USP31: variants seen among roughly 807,000 people sequenced by gnomAD.
USP31 encodes ubiquitin specific peptidase 31.
Under a neutral mutation model 119.4 loss-of-function variants are expected in USP31, and 44 were observed. The observed-to-expected ratio is 0.37, with a 90% CI of 0.29 to 0.47. The LOEUF is 0.47. Ranked by LOEUF, USP31 falls within the 20% of genes least tolerant of loss-of-function variation. USP31 has a pLI of 0.99. For synonymous variants in USP31, 749 were observed against 705.6 expected (o/e 1.06, Z -0.97); for missense variants, 1,643 against 1,730.2 (o/e 0.95, Z 0.89).
At chr16:23,090,924 T>C (rs895634373) in intron 6 of USP31, 120 bp from the exon 7 acceptor site, 1 of 920,252 alleles carries the variant, frequency 1.1e-6, no homozygotes, top group Non-Finnish European at 1.5e-6. Flanking sequence ...TAAATTAAAC[T>C]GCAATCAAAA....
chr16:23,105,368 G>A (rs940172331), intron 5 of USP31, 73 bp downstream of exon 5: 3 of 1,436,832 alleles, frequency 2.1e-6, no homozygotes, highest in Non-Finnish European at 1.8e-6. Flanking sequence ...GCAAAGAACT[G>A]TAAAAAATTC....
intron 1 of USP31, among the ~76,000 whole-genome samples, chr16:23,133,567 T>C (rs867345602): frequency 6.6e-6 from 1 of 152,204 alleles, no homozygotes; most frequent in Admixed American, 6.5e-5. Context: ...GAAGAATGTA[T>C]GAAAAAATCC....
At chr16:23,102,264 A>T in intron 6 of USP31, 55 bp downstream of exon 6, 1 of 1,555,636 alleles carries the variant, frequency 6.4e-7, no homozygotes, top group Non-Finnish European at 8.7e-7. Flanking sequence ...AAAAAGGTAG[A>T]CTATAGTTAA....
At chr16:23,107,183 G>T (rs1356724292) in intron 2 of USP31, among the ~76,000 whole-genome samples, 1 of 151,452 alleles carries the variant, frequency 6.6e-6, no homozygotes, top group East Asian at 1.9e-4. Flanking sequence ...TGCTCTGTAT[G>T]TTGGTGCCTA....
In USP31 at chr16:23,102,306, G is replaced by T; in HGVS notation, c.1234+13C>A. ...AAACCCAGGTGGCATTATGGAAACA[G>T]GAGCTCCCTTACCTCTTTGACTGAG... On this transcript the variant is annotated intron_variant, in intron 6 of 15. Coordinates refer to ENST00000219689, the MANE Select transcript of USP31 (RefSeq NM_020718.4). The T allele has an allele frequency of 6.2e-7, 1 of 1,608,454 alleles. No individual in the cohort carries two copies. Among genetic ancestry groups the T allele is most frequent in the Non-Finnish European group, 8.5e-7 (1 of 1,178,142 alleles).
Position 23,116,446 on chromosome 16 carries a change from G to A in USP31, c.634-8263C>T, listed in dbSNP as rs556367604. 1.2e-3 allele frequency among the ~76,000 whole-genome samples: 186 copies of A among 152,192 alleles called. 1 individual carries two copies. Among genetic ancestry groups the A allele is most frequent in the African/African-American group, 4.3e-3 (178 of 41,508 alleles). Reference sequence around the variant, plus strand: ...AAGAATAATTAGCTAAAACATAAGGGATAAAATTTGTACAAATAGATGAAC... The same window carrying A: ...AAGAATAATTAGCTAAAACATAAGGAATAAAATTTGTACAAATAGATGAAC... On this transcript the variant is annotated intron_variant, in intron 1 of 15. Transcript: ENST00000219689.
chr16:23,064,005 T>TA lies in USP31; in HGVS notation c.*4040dup, dbSNP rs1384058968. 1 of 152,660 alleles carries TA rather than the reference T, an allele frequency of 6.6e-6. No individual in the cohort carries two copies. Among genetic ancestry groups the TA allele is most frequent in the Non-Finnish European group, 1.5e-5 (1 of 68,046 alleles). 9.5% of individuals were successfully genotyped at this position (152,660 alleles called of 1,614,324 possible). On this transcript the variant is annotated 3_prime_UTR_variant, in exon 16 of 16. Coordinates refer to ENST00000219689, the MANE Select transcript of USP31 (RefSeq NM_020718.4). ...AATGTACCCTTTATGAAATGAAAGT[T>TA]AAAGACAGCCTGCACAGTAACAGCT... is the stretch of plus-strand genomic sequence containing the variant.
intron 5 of USP31, among the ~76,000 whole-genome samples, chr16:23,104,911 G>A (rs73538670): frequency 0.034 from 5,112 of 152,276 alleles, 232 homozygotes; most frequent in African/African-American, 0.096. Context: ...AAAGGGATGC[G>A]GCATGGGCAC....
chr16:23,079,697 G>C, intron 13 of USP31: 1 of 370,140 alleles, frequency 2.7e-6, no homozygotes, highest in Non-Finnish European at 4.8e-6. Flanking sequence ...CAGTTGACCA[G>C]ACAATGCCAT....
chr16:23,148,494 A>G (rs1903596374), intron 1 of USP31, 144 bp downstream of exon 1: 7 of 1,174,138 alleles, frequency 6.0e-6, no homozygotes, highest in Non-Finnish European at 6.6e-6. Context: ...TCTCCTTAAA[A>G]TCACTGGTCG....
rs140424855 is a variant in USP31, at chr16:23,105,666, A to G, written c.954-90T>C. The G allele has an allele frequency of 1.1e-4, 143 of 1,350,920 alleles. 2 individuals are homozygous for G. The highest frequency in any genetic ancestry group is 8.3e-4 in the Middle Eastern group (3 of 3,606). The allele number at this position is 1,350,920 out of a possible 1,614,324, so 83.7% of individuals were successfully genotyped here. A position where few individuals can be genotyped will look rare whatever the true frequency, so the allele number is the denominator to read the frequency against. On this transcript the variant is annotated intron_variant, in intron 4 of 15. Coordinates refer to ENST00000219689, the MANE Select transcript of USP31 (RefSeq NM_020718.4). The stretch of plus-strand genomic sequence containing the variant: ...AAATAAACCTGAGACGAAATCAACA[A>G]AAAACTAAAGCTAACCCACACTGTT...
intron 10 of USP31, 80 bp from the exon 11 acceptor site, chr16:23,085,069 G>A: frequency 1.3e-6 from 2 of 1,529,932 alleles, no homozygotes; most frequent in Non-Finnish European, 1.8e-6. Context: ...TTCATGAAGT[G>A]ACTACAAACT....
chr16:23,139,456 C>T (rs767829584), intron 1 of USP31, among the ~76,000 whole-genome samples: 16 of 152,224 alleles, frequency 1.1e-4, no homozygotes, highest in Non-Finnish European at 1.9e-4. Flanking sequence ...TGCAGCTCTA[C>T]GCTGTATTCA....
intron 11 of USP31, among the ~76,000 whole-genome samples, chr16:23,084,555 G>C (rs950426527): frequency 4.6e-5 from 7 of 151,956 alleles, no homozygotes; most frequent in Admixed American, 1.3e-4. Context: ...AAGTTACTAA[G>C]GAAAAGATCT....
intron 11 of USP31, among the ~76,000 whole-genome samples, chr16:23,084,121 ATTT>A (rs1361764693): frequency 6.6e-6 from 1 of 152,260 alleles, no homozygotes; most frequent in African/African-American, 2.4e-5. Flanking sequence ...GCATGACTCC[ATTT>A]AAGAGTGAAG....
chr16:23,082,668 C>T (rs746943655), intron 11 of USP31, 111 bp from the exon 12 acceptor site: 98 of 1,429,414 alleles, frequency 6.9e-5, no homozygotes, highest in Non-Finnish European at 9.2e-5. Flanking sequence ...CTCTGTAAAC[C>T]GCAGATGCTG....
intron 6 of USP31, among the ~76,000 whole-genome samples, chr16:23,095,335 T>C (rs929654155): frequency 2.6e-4 from 40 of 152,146 alleles, no homozygotes; most frequent in African/African-American, 9.2e-4. Context: ...TTCCAAAAAA[T>C]ATGGGGCTAC....
intron 8 of USP31, among the ~76,000 whole-genome samples, chr16:23,087,502 C>T (rs923892404): frequency 1.3e-5 from 2 of 152,150 alleles, no homozygotes; most frequent in African/African-American, 4.8e-5. Context: ...TCTACTAAAT[C>T]CTTTCCAAGC....
chr16:23,124,421 G>A (rs1483977075), intron 1 of USP31, among the ~76,000 whole-genome samples: 1 of 152,194 alleles, frequency 6.6e-6, no homozygotes. Context: ...CAAAACGCCA[G>A]GCACATGGAT....
Sources: gnomAD v4.1 joint callset for allele counts (sites outside exome capture counted in the v4.1 genomes callset) on GRCh38, gnomAD v4.1.1 for gene constraint, MANE v1.5 for transcripts, NCBI Gene and HGNC (gene_info 2026-07-23, HGNC 2026-07-21) for gene names.